Variants in ICE2 observed in about 807,000 individuals in gnomAD.
ICE2 encodes interactor of little elongation complex ELL subunit 2.
In ICE2, 87 loss-of-function variants were observed where a neutral mutation model predicts 105.4. The observed-to-expected ratio is 0.83, with a 90% CI of 0.69 to 0.99. The LOEUF is 0.99. Ranked by LOEUF, ICE2 falls within the 50% of genes least tolerant of loss-of-function variation. The pLI is 0.00. For missense variants in ICE2, 1,323 were observed against 1,146.7 expected (o/e 1.15, Z -2.22); for synonymous variants, 399 against 392.0 (o/e 1.02, Z -0.21).
At chr15:60,426,937 T>G (rs1199764088) in intron 15 of ICE2, among the ~76,000 whole-genome samples, 3 of 152,214 alleles carry the variant, frequency 2.0e-5, no homozygotes. Context: ...AAGTTACTAC[T>G]TCTAGTAAAC....
Position 60,449,351 on chromosome 15 carries a change from C to A in ICE2, c.1616G>T (p.Gly539Val), listed in dbSNP as rs554072062. 27 of 1,613,146 alleles carry A rather than the reference C, an allele frequency of 1.7e-5. No homozygotes were observed. The highest frequency in any genetic ancestry group is 2.1e-5 in the Non-Finnish European group (25 of 1,179,932). Residue 539 changes from glycine to valine, a missense_variant, in exon 10 of 16, where the codon GGT becomes GTT. Gly to Val is a moderately radical substitution (Grantham distance 109, BLOSUM62 -3). Transcript: ENST00000261520. ...DMTIDILHAD[G>V]ERPNVLENLD... ...GTTTTCTAGAACATTAGGTCTTTCA[C>A]CATCAGCATGTAATATATCTATAGT...
chr15:60,478,892 G>A (rs2064850449), intron 1 of ICE2, 111 bp downstream of exon 1: 4 of 453,062 alleles, frequency 8.8e-6, no homozygotes, highest in South Asian at 4.7e-5. Context: ...GGAGCAAAGG[G>A]TCCTGGCCCG....
chr15:60,442,261 C>G (rs12442393), intron 12 of ICE2, 155 bp downstream of exon 12: 363,175 of 627,086 alleles, frequency 0.58, 110,684 homozygotes, highest in East Asian at 0.86. Flanking sequence ...TGACTATACT[C>G]CAGCCTGGGC....
At chr15:60,430,950 C>G (rs924000685) in intron 14 of ICE2, among the ~76,000 whole-genome samples, 1 of 152,102 alleles carries the variant, frequency 6.6e-6, no homozygotes, top group Non-Finnish European at 1.5e-5. Context: ...CTCAGCTTTG[C>G]AATCTCTGCC....
Position 60,428,603 on chromosome 15 carries a change from A to T in ICE2, c.2646T>A (p.Thr882=). The T allele has an allele frequency of 6.2e-7, 1 of 1,614,148 alleles. No homozygotes were observed. Among genetic ancestry groups the T allele is most frequent in the Non-Finnish European group, 8.5e-7 (1 of 1,179,984 alleles). Residue 882 remains threonine, a synonymous_variant, in exon 15 of 16, where the codon ACT becomes ACA. Transcript: ENST00000261520. Reference sequence around the variant, plus strand: ...TTTTATACAAATTGTATGCTGTCCTAGTAACTTTTCCATCAGAGGCCTTAT... The same window carrying T: ...TTTTATACAAATTGTATGCTGTCCTTGTAACTTTTCCATCAGAGGCCTTAT... ...LIYKASDGKV[T]RTAYNLYKTH...
intron 14 of ICE2, among the ~76,000 whole-genome samples, chr15:60,429,466 C>T (rs1364578373): frequency 6.6e-6 from 1 of 152,170 alleles, no homozygotes; most frequent in Non-Finnish European, 1.5e-5. Flanking sequence ...TGTTGAACAT[C>T]AAATCCACAT....
rs1018835472 is a variant in ICE2 at position 60,432,825 on chromosome 15, G to C, written c.2511-841C>G. 3.3e-5 allele frequency among the ~76,000 whole-genome samples: 5 copies of C among 151,960 alleles called. No homozygotes were observed. In the East Asian group the frequency reaches 9.9e-4, roughly 30 times the overall value. ...GAGAATGGCACGAGCCCGGGAGGCG[G>C]AGCTTGCAGTGAGCCGAGATGGCGT... On this transcript the variant is annotated intron_variant, in intron 13 of 15. Coordinates refer to ENST00000261520, the MANE Select transcript of ICE2 (RefSeq NM_024611.6).
intron 5 of ICE2, among the ~76,000 whole-genome samples, chr15:60,466,235 C>T (rs574012510): frequency 6.6e-6 from 1 of 152,278 alleles, no homozygotes; most frequent in South Asian, 2.1e-4. Flanking sequence ...CACAAGTTCA[C>T]TTGACCGAGT....
rs941116435 is a variant in ICE2 at position 60,445,580 on chromosome 15, T to G, written c.2295+2390A>C. The G allele has an allele frequency of 9.3e-6, 9 of 963,500 alleles. No individual in the cohort carries two copies. In the African/African-American group the frequency reaches 1.6e-4, roughly 17 times the overall value. 59.7% of individuals were successfully genotyped at this position (963,500 alleles called of 1,614,324 possible). A position where few individuals can be genotyped will look rare whatever the true frequency, so the allele number is the denominator to read the frequency against. On this transcript the variant is annotated intron_variant, in intron 11 of 15. Transcript: ENST00000261520. ...ATATAAGCCTTCTATTTAGACAGTCTTTAGGGTGTGACTATTTTGACATAT... is the reference window on the plus strand; with the variant it reads ...ATATAAGCCTTCTATTTAGACAGTCGTTAGGGTGTGACTATTTTGACATAT...
intron 2 of ICE2, among the ~76,000 whole-genome samples, chr15:60,476,912 C>T (rs2064777702): frequency 6.6e-6 from 1 of 152,184 alleles, no homozygotes; most frequent in Non-Finnish European, 1.5e-5. Flanking sequence ...ACAACTAGTT[C>T]CACAATGCCG....
chr15:60,447,869 T>C, intron 11 of ICE2, 101 bp downstream of exon 11: 1 of 950,162 alleles, frequency 1.1e-6, no homozygotes, highest in South Asian at 1.7e-5. Context: ...CTGAAGATAC[T>C]ACTATGAGTG....
intron 3 of ICE2, among the ~76,000 whole-genome samples, chr15:60,471,793 A>C (rs998941340): frequency 1.3e-5 from 2 of 151,950 alleles, no homozygotes; most frequent in Non-Finnish European, 2.9e-5. Context: ...GAAAAACAAA[A>C]AACAAAAAAC....
intron 5 of ICE2, among the ~76,000 whole-genome samples, chr15:60,462,454 T>C (rs145255794): frequency 2.0e-5 from 3 of 152,200 alleles, no homozygotes; most frequent in African/African-American, 4.8e-5. Flanking sequence ...GTAATGCATA[T>C]GTTAATTAGT....
intron 5 of ICE2, among the ~76,000 whole-genome samples, chr15:60,466,110 G>C (rs895248716): frequency 1.3e-5 from 2 of 152,248 alleles, no homozygotes; most frequent in African/African-American, 4.8e-5. Context: ...TAGGGTACAA[G>C]CTGGGATGAT....
rs543527818 is a variant in ICE2, at chr15:60,469,559, G to T, written c.147-1237C>A. ...CTCATAACAAAATATTTCTGCAAGG[G>T]TATTTGTTCAGGAACTGCCGGTCCT... On this transcript the variant is annotated intron_variant, in intron 3 of 15. Coordinates refer to ENST00000261520, the MANE Select transcript of ICE2 (RefSeq NM_024611.6). Among the ~76,000 whole-genome samples the T allele has an allele frequency of 2.0e-5, 3 of 152,256 alleles. No individual in the cohort carries two copies. In the South Asian group the frequency reaches 6.2e-4, roughly 32 times the overall value.
intron 3 of ICE2, among the ~76,000 whole-genome samples, chr15:60,470,366 A>G (rs1170635141): frequency 6.6e-6 from 1 of 152,170 alleles, no homozygotes; most frequent in Non-Finnish European, 1.5e-5. Flanking sequence ...GAAAGAGAAA[A>G]TATCCATAGC....
chr15:60,456,118 C>G (rs1175267850), intron 6 of ICE2, among the ~76,000 whole-genome samples: 2 of 151,750 alleles, frequency 1.3e-5, no homozygotes, highest in African/African-American at 4.8e-5. Context: ...AAAAGAAAAT[C>G]AAGGAACAAA....
chr15:60,476,368 G>A (rs943518555), intron 2 of ICE2, among the ~76,000 whole-genome samples: 2 of 152,032 alleles, frequency 1.3e-5, no homozygotes, highest in African/African-American at 2.4e-5. Context: ...TTAAACCCAG[G>A]CCCATTATGG....
At chr15:60,445,815 A>G in intron 11 of ICE2, 2 of 981,936 alleles carry the variant, frequency 2.0e-6, no homozygotes, top group African/African-American at 3.5e-5. Context: ...ACAAAGTGGT[A>G]TGGGTTCACA....
Sources: allele counts gnomAD v4.1 joint callset (sites outside exome capture counted in the v4.1 genomes callset), GRCh38; gene constraint gnomAD v4.1.1; transcripts MANE v1.5; gene names NCBI Gene and HGNC (gene_info 2026-07-23, HGNC 2026-07-21).